The following WNT7A variants were observed in gnomAD, a reference collection of about 807,000 sequenced individuals.
WNT7A encodes the protein Wnt family member 7A, also known as protein Wnt-7a.
WNT7A carries 16 observed loss-of-function variants against 28.2 expected under a neutral mutation model. That is an observed-to-expected ratio of 0.57 (90% CI 0.38 to 0.86). WNT7A has a LOEUF of 0.86. Among genes scored for constraint, WNT7A ranks in the 40% least tolerant of loss-of-function variants. The pLI is 0.00. For missense variants in WNT7A, 411 were observed against 489.7 expected, an observed-to-expected ratio of 0.84 and a Z score of 1.52; for synonymous variants, 190 against 195.9, an observed-to-expected ratio of 0.97 and a Z score of 0.25.
chr3:13,879,794 C>A lies in WNT7A; in HGVS notation c.23G>T (p.Cys8Phe). MNRKARR[C>F]LGHLFLSLGM... ...CAGGCTGAGAAAGAGGTGGCCCAGG[C>A]AGCGCCGCGCTTTCCGGTTCATAGT... The change falls in exon 1 of 4, where the codon TGC becomes TTC. Residue 8 changes from cysteine to phenylalanine, a missense_variant. Coordinates refer to ENST00000285018, the MANE Select transcript of WNT7A (RefSeq NM_004625.4). The A allele has an allele frequency of 6.2e-7, 1 of 1,612,230 alleles. No individual in the cohort carries two copies. Among genetic ancestry groups the A allele is most frequent in the East Asian group, 2.2e-5 (1 of 44,800 alleles).
intron 3 of WNT7A, among the ~76,000 whole-genome samples, chr3:13,834,924 C>A (rs1687877495): frequency 6.6e-6 from 1 of 152,224 alleles, no homozygotes; most frequent in South Asian, 2.1e-4. Flanking sequence ...GCAGCTAGAC[C>A]AGGAACATAG....
chr3:13,836,795 G>A (rs939127743), intron 3 of WNT7A, among the ~76,000 whole-genome samples: 2 of 152,244 alleles, frequency 1.3e-5, no homozygotes, highest in East Asian at 1.9e-4. Context: ...AGAGGAGTTC[G>A]CCACTGGAAA....
chr3:13,877,941 A>T (rs1329086408), intron 1 of WNT7A, among the ~76,000 whole-genome samples: 2 of 152,256 alleles, frequency 1.3e-5, no homozygotes, highest in Non-Finnish European at 2.9e-5. Context: ...GGGAAATGGA[A>T]AAACCTTTTA....
At chr3:13,866,196 G>T (rs1322955400) in intron 2 of WNT7A, among the ~76,000 whole-genome samples, 1 of 152,252 alleles carries the variant, frequency 6.6e-6, no homozygotes, top group Non-Finnish European at 1.5e-5. Flanking sequence ...CACAGGGACT[G>T]TGCCCTCCAT....
intron 1 of WNT7A, chr3:13,877,078 G>A (rs190566379): frequency 1.2e-4 from 19 of 152,224 alleles, no homozygotes; most frequent in African/African-American, 4.6e-4. Context: ...CTTCAAAGAT[G>A]TGGCTCCGGG....
chr3:13,854,547 G>A lies in WNT7A; in HGVS notation c.555C>T (p.Asn185=), dbSNP rs149363953. 3.9e-4 allele frequency: 635 copies of A among 1,614,136 alleles called. 2 individuals carry two copies. In the African/African-American group the frequency reaches 5.2e-3, roughly 13 times the overall value. ...NARTLMNLHN[N]EAGRKILEEN... ...GGCTTCCTACCTTTCGGCCTGCCTCGTTGTTGTGCAAGTTCATGAGAGTCC... is the reference window on the plus strand; with the variant it reads ...GGCTTCCTACCTTTCGGCCTGCCTCATTGTTGTGCAAGTTCATGAGAGTCC... The change falls in exon 3 of 4, where the codon AAC becomes AAT. Residue 185 remains asparagine, a synonymous_variant. Transcript: ENST00000285018.
intron 3 of WNT7A, among the ~76,000 whole-genome samples, chr3:13,838,655 CA>C (rs1330173316): frequency 6.6e-5 from 10 of 152,224 alleles, no homozygotes; most frequent in Non-Finnish European, 1.2e-4. Context: ...TTGGAGCCCC[CA>C]AAGTTTTGCA....
rs117306490 is a variant in WNT7A, at chr3:13,872,919, G to A, written c.298+2028C>T. Among the ~76,000 whole-genome samples, 156 of 152,264 alleles carry A rather than the reference G, an allele frequency of 1.0e-3. 4 individuals are homozygous for A. In the East Asian group the frequency reaches 0.021, roughly 21 times the overall value. On this transcript the variant is annotated intron_variant, in intron 2 of 3. Coordinates refer to ENST00000285018, the MANE Select transcript of WNT7A (RefSeq NM_004625.4). ...ACTTGACTTCGAGCAAGTCCCTTAT[G>A]AGCCTCAGTTTCCTCATCTATAACA...
chr3:13,848,309 A>G (rs966523916), intron 3 of WNT7A, among the ~76,000 whole-genome samples: 7 of 152,264 alleles, frequency 4.6e-5, no homozygotes, highest in Admixed American at 1.3e-4. Flanking sequence ...CTGGGAAAAC[A>G]TATTTGCCAA....
At chr3:13,866,935 T>C (rs910335358) in intron 2 of WNT7A, among the ~76,000 whole-genome samples, 7 of 151,936 alleles carry the variant, frequency 4.6e-5, no homozygotes. Flanking sequence ...CAGGAGGTGG[T>C]GGTGAAGGTG....
At chr3:13,868,569 AGAGAGAGAGAGAGAGAGAGAGG>A (rs1694948724) in intron 2 of WNT7A, among the ~76,000 whole-genome samples, 1 of 24,978 alleles carries the variant, frequency 4.0e-5, no homozygotes, top group African/African-American at 3.0e-4. Flanking sequence ...GGGGAGAGAG[AGAGAGAGAGAGAGAGAGAGAGG>A]GAGAAAGAAA....
intron 3 of WNT7A, 71 bp downstream of exon 3, chr3:13,854,461 C>A: frequency 6.2e-7 from 1 of 1,608,786 alleles, no homozygotes; most frequent in Non-Finnish European, 8.5e-7. Context: ...CACCCAGCAC[C>A]AGATGTTACA....
At chr3:13,842,245 G>T (rs561106817) in intron 3 of WNT7A, among the ~76,000 whole-genome samples, 2 of 152,200 alleles carry the variant, frequency 1.3e-5, no homozygotes, top group African/African-American at 4.8e-5. Context: ...GGGAAGAGAC[G>T]CTGATGGATA....
chr3:13,834,158 G>A (rs1694326817), intron 3 of WNT7A, among the ~76,000 whole-genome samples: 1 of 152,190 alleles, frequency 6.6e-6, no homozygotes, highest in South Asian at 2.1e-4. Context: ...ATCTGAATCA[G>A]GCAGGGTATT....
At position 13,879,900 on chromosome 3, in the gene WNT7A, C is replaced by A; in HGVS notation, c.-84G>T. The A allele has an allele frequency of 8.6e-7, 1 of 1,166,686 alleles. No homozygotes were observed. Among genetic ancestry groups the A allele is most frequent in the Non-Finnish European group, 1.1e-6 (1 of 899,744 alleles). The allele number at this position is 1,166,686 out of a possible 1,614,324, so 72.3% of individuals were successfully genotyped here. ...CGGCGGGGCAATCAACATAGCCCGC[C>A]CGGGAGGCGCGAGCCGAGGCGTCCC... On this transcript the variant is annotated 5_prime_UTR_variant, in exon 1 of 4. Coordinates refer to ENST00000285018, the MANE Select transcript of WNT7A (RefSeq NM_004625.4).
At chr3:13,866,086 A>G (rs1198298238) in intron 2 of WNT7A, among the ~76,000 whole-genome samples, 1 of 152,174 alleles carries the variant, frequency 6.6e-6, no homozygotes, top group Non-Finnish European at 1.5e-5. Flanking sequence ...ACTCAGCTGC[A>G]TCTCCCAAGT....
intron 3 of WNT7A, among the ~76,000 whole-genome samples, chr3:13,831,720 G>T (rs1211795536): frequency 6.6e-6 from 1 of 152,074 alleles, no homozygotes; most frequent in East Asian, 1.9e-4. Context: ...ACTGGTTGGT[G>T]CTGGGTACAA....
intron 3 of WNT7A, among the ~76,000 whole-genome samples, chr3:13,826,917 A>G (rs1451970473): frequency 6.6e-6 from 1 of 152,258 alleles, no homozygotes; most frequent in Non-Finnish European, 1.5e-5. Flanking sequence ...TGGTCTTCCT[A>G]TACAGTTTTC....
rs1695183271 is a variant in WNT7A at position 13,879,901 on chromosome 3, C to A, written c.-85G>T. 19 of 1,157,418 alleles carry A rather than the reference C, an allele frequency of 1.6e-5. No homozygotes were observed. The East Asian group carries it at 3.9e-4, about 24-fold the overall frequency. 71.7% of individuals were successfully genotyped at this position (1,157,418 alleles called of 1,614,324 possible). On this transcript the variant is annotated 5_prime_UTR_variant, in exon 1 of 4. Transcript: ENST00000285018. ...GGCGGGGCAATCAACATAGCCCGCC[C>A]GGGAGGCGCGAGCCGAGGCGTCCCC...
Sources: gnomAD v4.1 joint callset for allele counts (sites outside exome capture counted in the v4.1 genomes callset) on GRCh38, gnomAD v4.1.1 for gene constraint, MANE v1.5 for transcripts, NCBI Gene and HGNC (gene_info 2026-07-23, HGNC 2026-07-21) for gene names.